TMEM130: variants seen among roughly 807,000 people sequenced by gnomAD.
The protein encoded by TMEM130 is transmembrane protein 130.
A neutral mutation model predicts 42.9 loss-of-function variants in TMEM130; 37 were observed. That is an observed-to-expected ratio of 0.86 (90% CI 0.66 to 1.13). The LOEUF is 1.13. TMEM130 is among the 50% of genes most tolerant of loss of function. The probability of loss-of-function intolerance (pLI) is 0.00; values close to 1 mark genes in which losing one functional copy is unlikely to be tolerated. For missense variants in TMEM130, 545 were observed against 562.6 expected (o/e 0.97, Z 0.32); for synonymous variants, 259 against 237.7 (o/e 1.09, Z -0.82).
At position 98,869,307 on chromosome 7, in the gene TMEM130, C is replaced by A; in HGVS notation, c.85+470G>T. 7.8e-7 allele frequency: 1 copy of A among 1,280,950 alleles called. No individual in the cohort carries two copies. The highest frequency in any genetic ancestry group is 2.4e-5 in the Admixed American group (1 of 41,822). The allele number at this position is 1,280,950 out of a possible 1,614,324, so 79.3% of individuals were successfully genotyped here. A position where few individuals can be genotyped will look rare whatever the true frequency, so the allele number is the denominator to read the frequency against. On this transcript the variant is annotated intron_variant, in intron 1 of 7. Transcript: ENST00000339375. This position sits in a 1 kb window ranked among gnomAD's most constrained non-coding sequence, Gnocchi z 4.7. The stretch of plus-strand genomic sequence containing the variant: ...TAAATTCGCATCTCCCCAAAGCCAG[C>A]ACCAACACGGTGGGAAACCCCTCTA...
Position 98,863,146 on chromosome 7 carries a change from A to C in TMEM130, c.340T>G (p.Cys114Gly). Residue 114 changes from cysteine to glycine, a missense_variant, in exon 2 of 8, where the codon TGC becomes GGC. Physicochemically the swap from Cys to Gly is radical, Grantham distance 159. Coordinates refer to ENST00000339375, the MANE Select transcript of TMEM130 (RefSeq NM_152913.3). ...PVSVWVTAAD[C>G]WMCQPVARGF... ...CTGGCCACAGGCTGGCACATCCAGC[A>C]GTCAGCGGCAGTGACCCAGACAGAG... is the stretch of plus-strand genomic sequence containing the variant. 6.2e-7 allele frequency: 1 copy of C among 1,614,044 alleles called. No homozygotes were observed. Among genetic ancestry groups the C allele is most frequent in the Non-Finnish European group, 8.5e-7 (1 of 1,180,046 alleles).
rs548366121 is a variant in TMEM130, at chr7:98,869,479, T to C, written c.85+298A>G. On this transcript the variant is annotated intron_variant, in intron 1 of 7. Coordinates refer to ENST00000339375, the MANE Select transcript of TMEM130 (RefSeq NM_152913.3). The surrounding 1 kb of genome is among the most constrained non-coding windows in gnomAD (Gnocchi z 4.7). ...TTAGCGGGTGCATGGTCCCCAGGCA[T>C]CGACGGATGCGCCGGCCACCCCCGC... 6.2e-5 allele frequency: 51 copies of C among 828,496 alleles called. No homozygotes were observed. The African/African-American group carries it at 8.8e-4, about 14-fold the overall frequency. 51.3% of individuals were successfully genotyped at this position (828,496 alleles called of 1,614,324 possible). A position where few individuals can be genotyped will look rare whatever the true frequency, so the allele number is the denominator to read the frequency against.
intron 1 of TMEM130, among the ~76,000 whole-genome samples, chr7:98,865,263 A>G (rs1258569996): frequency 1.3e-5 from 2 of 152,198 alleles, no homozygotes; most frequent in Non-Finnish European, 2.9e-5. Context: ...CCAGAAATAC[A>G]GAACAAGCCC....
In TMEM130 at chr7:98,855,030, C is replaced by T. The variant is rs150247347; in HGVS notation, c.803+210G>A. 1.5e-3 allele frequency among the ~76,000 whole-genome samples: 230 copies of T among 152,296 alleles called. 1 individual carries two copies. The highest frequency in any genetic ancestry group is 5.3e-3 in the African/African-American group (220 of 41,564). ...CAGCCTGGGCGAAAGAGCGAGACTC[C>T]GTCTCAAATAAATAAATAAATAATA... On this transcript the variant is annotated intron_variant, in intron 5 of 7. Coordinates refer to ENST00000339375, the MANE Select transcript of TMEM130 (RefSeq NM_152913.3).
At chr7:98,860,736 A>G (rs1193089645) in intron 2 of TMEM130, among the ~76,000 whole-genome samples, 1 of 151,872 alleles carries the variant, frequency 6.6e-6, no homozygotes, top group Non-Finnish European at 1.5e-5. Flanking sequence ...CAAGGTCAAG[A>G]GTTCAAGACC....
At chr7:98,867,510 C>A (rs1389448952) in intron 1 of TMEM130, among the ~76,000 whole-genome samples, 1 of 152,154 alleles carries the variant, frequency 6.6e-6, no homozygotes, top group Admixed American at 6.5e-5. Context: ...TGGGCCTGAG[C>A]GAGGCTGGCA....
intron 1 of TMEM130, among the ~76,000 whole-genome samples, chr7:98,867,724 G>A (rs1025163992): frequency 1.3e-5 from 2 of 152,112 alleles, no homozygotes; most frequent in Non-Finnish European, 2.9e-5. Context: ...GGAGCCCGCC[G>A]ACTCCCCCAC....
At position 98,869,072 on chromosome 7, in the gene TMEM130, T is replaced by TA. The variant is rs1438739785; in HGVS notation, c.85+704dup. On this transcript the variant is annotated intron_variant, in intron 1 of 7. Transcript: ENST00000339375. This position sits in a 1 kb window ranked among gnomAD's most constrained non-coding sequence, Gnocchi z 4.7. ...GCCCACGTCCCATCTGTCCCTCGAA[T>TA]AGTCTTAAATCTGGGTCCTTTTATG... The TA allele has an allele frequency of 2.0e-4, 153 of 765,230 alleles. No individual in the cohort carries two copies. The highest frequency in any genetic ancestry group is 2.7e-4 in the Non-Finnish European group (151 of 564,576). 47.4% of individuals were successfully genotyped at this position (765,230 alleles called of 1,614,324 possible).
chr7:98,861,275 T>C (rs1477067965), intron 2 of TMEM130, among the ~76,000 whole-genome samples: 2 of 151,476 alleles, frequency 1.3e-5, no homozygotes, highest in African/African-American at 4.9e-5. Context: ...GAGGCAGAGC[T>C]TGCAGTGAGT....
intron 5 of TMEM130, among the ~76,000 whole-genome samples, chr7:98,854,611 C>T (rs1012377490): frequency 1.7e-4 from 26 of 152,186 alleles, no homozygotes; most frequent in South Asian, 8.3e-4. Context: ...GTGGTGCCCA[C>T]CTGTAGTTCC....
At chr7:98,868,286 T>C (rs1464284009) in intron 1 of TMEM130, among the ~76,000 whole-genome samples, 1 of 152,124 alleles carries the variant, frequency 6.6e-6, no homozygotes, top group Admixed American at 6.5e-5. Context: ...AGTTGGGGTA[T>C]GGAGCAGCCA....
chr7:98,854,420 G>A (rs1584236480), intron 5 of TMEM130, among the ~76,000 whole-genome samples: 1 of 152,306 alleles, frequency 6.6e-6, no homozygotes, highest in East Asian at 1.9e-4. Context: ...CCAAAAGGCA[G>A]GTCCTCCCTC....
At chr7:98,860,443 G>C in intron 2 of TMEM130, 105 bp from the exon 3 acceptor site, 11 of 1,195,848 alleles carry the variant, frequency 9.2e-6, no homozygotes, top group Non-Finnish European at 1.0e-5. Flanking sequence ...TTCCCTGCCC[G>C]GACCTTCTGG....
intron 5 of TMEM130, among the ~76,000 whole-genome samples, chr7:98,853,792 C>A (rs1794565660): frequency 6.6e-6 from 1 of 152,210 alleles, no homozygotes; most frequent in Non-Finnish European, 1.5e-5. Flanking sequence ...TTGCCAGGAG[C>A]CTGGGTCAGG....
At chr7:98,853,111 C>T (rs556832465) in intron 5 of TMEM130, among the ~76,000 whole-genome samples, 17 of 152,252 alleles carry the variant, frequency 1.1e-4, no homozygotes, top group Admixed American at 9.8e-4. Context: ...ACACTAGGTC[C>T]GCAGGAAAAG....
At chr7:98,868,181 A>T (rs972971788) in intron 1 of TMEM130, among the ~76,000 whole-genome samples, 1 of 152,216 alleles carries the variant, frequency 6.6e-6, no homozygotes, top group Non-Finnish European at 1.5e-5. Flanking sequence ...GTGAGCCAAG[A>T]TTGTGCCACT....
chr7:98,851,573 T>A lies in TMEM130; in HGVS notation c.854A>T (p.Glu285Val). 1 of 1,613,730 alleles carries A rather than the reference T, an allele frequency of 6.2e-7. No homozygotes were observed. The highest frequency in any genetic ancestry group is 8.5e-7 in the Non-Finnish European group (1 of 1,179,816). ...GGACACAGGGTGGCACTCCCCTTCC[T>A]CCAGCGGGAGGCACTCAGGCTTGAG... ...WRLKPECLPL[E>V]EGECHPVSVA... The change falls in exon 6 of 8, where the codon GAG (glutamate) becomes GTG (valine). Residue 285 changes from glutamate (E) to valine (V), a missense_variant. Coordinates refer to ENST00000339375, the MANE Select transcript of TMEM130 (RefSeq NM_152913.3).
At chr7:98,864,815 G>A (rs1365812360) in intron 1 of TMEM130, among the ~76,000 whole-genome samples, 1 of 152,138 alleles carries the variant, frequency 6.6e-6, no homozygotes, top group African/African-American at 2.4e-5. Context: ...CAGGGGAATC[G>A]CTGGAACCCA....
At chr7:98,855,388 C>A in intron 4 of TMEM130, 64 bp from the exon 5 acceptor site, 1 of 1,487,786 alleles carries the variant, frequency 6.7e-7, no homozygotes, top group South Asian at 1.3e-5. Flanking sequence ...GCTCCCAGGG[C>A]ACAGGGTGGT....
Sources: allele counts gnomAD v4.1 joint callset (sites outside exome capture counted in the v4.1 genomes callset), GRCh38; gene constraint gnomAD v4.1.1; non-coding constraint Gnocchi (gnomAD v3.1); transcripts MANE v1.5; gene names NCBI Gene and HGNC (gene_info 2026-07-23, HGNC 2026-07-21).